SLC22A25: variants seen among roughly 807,000 people sequenced by gnomAD.
SLC22A25 encodes the protein solute carrier family 22 member 25, also known as MGI:2442751, MGI:2385316, MGI:3042283, MGI:3645714, MGI:3605624, MGI:2442750.
SLC22A25 carries 44 observed loss-of-function variants against 45.9 expected under a neutral mutation model. The observed-to-expected ratio is 0.96, with a 90% confidence interval of 0.75 to 1.23. SLC22A25 has a LOEUF of 1.23. SLC22A25 is among the 50% of genes most tolerant of loss of function. The probability of loss-of-function intolerance (pLI) is 0.00; values close to 1 mark genes in which losing one functional copy is unlikely to be tolerated. For missense variants in SLC22A25, 800 were observed against 666.4 expected (o/e 1.20, Z -2.21); for synonymous variants, 283 against 238.6 (o/e 1.19, Z -1.72).
rs150532414 is a variant in SLC22A25 at position 63,233,089 on chromosome 11, A to C, written c.-444-2993T>G. ...ATGTTCATCAAGGATATTGGTCTAA[A>C]ATTCTCTTTTTCTGTTGTGTCTCTG... On this transcript the variant is annotated intron_variant, in intron 3 of 11. Transcript: ENST00000306494. Among the ~76,000 whole-genome samples, 356 of 152,216 alleles carry C rather than the reference A, an allele frequency of 2.3e-3. 1 individual carries two copies. In the East Asian group the frequency reaches 0.024, roughly 10 times the overall value.
At chr11:63,193,419 C>T (rs987021630) in intron 7 of SLC22A25, among the ~76,000 whole-genome samples, 7 of 152,180 alleles carry the variant, frequency 4.6e-5, no homozygotes, top group Non-Finnish European at 1.0e-4. Flanking sequence ...AACTGGGTGC[C>T]CCCCTGAGAC....
chr11:63,162,509 T>G lies in SLC22A25; in HGVS notation c.*1315A>C, dbSNP rs1386678770. 1.3e-5 allele frequency among the ~76,000 whole-genome samples: 2 copies of G among 152,188 alleles called. No individual in the cohort carries two copies. The highest frequency in any genetic ancestry group is 2.1e-4 in the South Asian group (1 of 4,828). On this transcript the variant is annotated 3_prime_UTR_variant, in exon 12 of 12. Coordinates refer to ENST00000306494, the MANE Select transcript of SLC22A25 (RefSeq NM_199352.6). Reference sequence around the variant, plus strand: ...TATCCAGTTTTGGAACTATTTTTTATGTTCTTATAAAAGTATGCAGCTTGA... The same window carrying G: ...TATCCAGTTTTGGAACTATTTTTTAGGTTCTTATAAAAGTATGCAGCTTGA...
intron 3 of SLC22A25, among the ~76,000 whole-genome samples, chr11:63,231,602 G>T (rs1370191359): frequency 1.3e-5 from 2 of 152,124 alleles, no homozygotes; most frequent in Non-Finnish European, 2.9e-5. Flanking sequence ...TAGGTTGCCT[G>T]TTCACTCTGA....
chr11:63,211,546 G>A (rs986642493), intron 7 of SLC22A25, among the ~76,000 whole-genome samples: 1 of 152,114 alleles, frequency 6.6e-6, no homozygotes, highest in Non-Finnish European at 1.5e-5. Context: ...AATATGCCTG[G>A]ACAAGGCTGC....
chr11:63,225,868 GT>G (rs1418425993), intron 5 of SLC22A25, among the ~76,000 whole-genome samples: 1 of 151,868 alleles, frequency 6.6e-6, no homozygotes, highest in African/African-American at 2.4e-5. Context: ...TAAATAGCCT[GT>G]TTTCAAGCTC....
At chr11:63,242,377 G>A (rs1001695979) in intron 1 of SLC22A25, among the ~76,000 whole-genome samples, 3 of 152,198 alleles carry the variant, frequency 2.0e-5, no homozygotes, top group Non-Finnish European at 4.4e-5. Flanking sequence ...AGGGGCACTC[G>A]ATATTTGCCC....
At chr11:63,168,616 G>C (rs191200422) in intron 9 of SLC22A25, among the ~76,000 whole-genome samples, 1 of 152,076 alleles carries the variant, frequency 6.6e-6, no homozygotes, top group Non-Finnish European at 1.5e-5. Context: ...AAAGACTAGA[G>C]AAAAAAGAAT....
intron 7 of SLC22A25, among the ~76,000 whole-genome samples, chr11:63,184,520 G>T (rs1156251950): frequency 1.3e-5 from 2 of 152,094 alleles, no homozygotes; most frequent in Non-Finnish European, 2.9e-5. Flanking sequence ...ATACATTAGG[G>T]TTTGTAAAGT....
intron 9 of SLC22A25, among the ~76,000 whole-genome samples, chr11:63,178,301 A>G (rs1313234086): frequency 6.6e-6 from 1 of 152,136 alleles, no homozygotes; most frequent in Non-Finnish European, 1.5e-5. Context: ...TATCTCTTCA[A>G]TATGCTGATT....
chr11:63,177,854 GTATATATATAATATATATAA>G (rs2088156073), intron 9 of SLC22A25, among the ~76,000 whole-genome samples: 1 of 3,708 alleles, frequency 2.7e-4, no homozygotes, highest in Non-Finnish European at 5.8e-4. Context: ...TATATATAAT[GTATATATATAATATATATAA>G]TGTATATATA....
At position 63,229,505 on chromosome 11, in the gene SLC22A25, A is replaced by AG. The variant is rs780158180; in HGVS notation, c.147dup (p.Trp50LeufsTer8). 4 of 1,614,166 alleles carry AG rather than the reference A, an allele frequency of 2.5e-6. No individual in the cohort carries two copies. The highest frequency in any genetic ancestry group is 2.5e-6 in the Non-Finnish European group (3 of 1,180,000). ...GTGTCATTGTCCAGTATATGAACCC[A>AG]GCAGCGATGATCAAGTATGAATGCT... On this transcript the variant is annotated frameshift_variant, in exon 4 of 12. Coordinates refer to ENST00000306494, the MANE Select transcript of SLC22A25 (RefSeq NM_199352.6). LOFTEE classifies it high-confidence loss of function.
chr11:63,228,640 C>A, intron 4 of SLC22A25, 76 bp from the exon 5 acceptor site: 1 of 1,080,600 alleles, frequency 9.3e-7, no homozygotes, highest in South Asian at 1.5e-5. Flanking sequence ...TTAAAATAGC[C>A]TGCAAGTTTC....
chr11:63,191,555 G>T (rs915510286), intron 7 of SLC22A25, among the ~76,000 whole-genome samples: 1 of 152,016 alleles, frequency 6.6e-6, no homozygotes, highest in Non-Finnish European at 1.5e-5. Context: ...CCACTGTCCT[G>T]CACCCACTGT....
intron 7 of SLC22A25, among the ~76,000 whole-genome samples, chr11:63,200,454 T>A (rs1224911205): frequency 2.0e-5 from 3 of 149,446 alleles, no homozygotes. Flanking sequence ...AAATTCAACA[T>A]CCATTAATAT....
rs111759331 is a variant in SLC22A25, at chr11:63,164,304, G to A, written c.1394+222C>T. ...TATTTTCCTTAACATCAACCTTTCA[G>A]GTGGTTCAGAAGGTACATGGGATAC... On this transcript the variant is annotated intron_variant, in intron 11 of 11. Coordinates refer to ENST00000306494, the MANE Select transcript of SLC22A25 (RefSeq NM_199352.6). Among the ~76,000 whole-genome samples, 1,101 of 152,234 alleles carry A rather than the reference G, an allele frequency of 7.2e-3. 8 individuals are homozygous for A. The highest frequency in any genetic ancestry group is 0.024 in the African/African-American group (1,010 of 41,540).
intron 5 of SLC22A25, among the ~76,000 whole-genome samples, chr11:63,222,589 T>C (rs11524903): frequency 0.37 from 55,663 of 151,880 alleles, 10,504 homozygotes; most frequent in East Asian, 0.56. Context: ...TGACTTCTTC[T>C]TTTCCAGTTG....
intron 5 of SLC22A25, among the ~76,000 whole-genome samples, chr11:63,223,549 G>A (rs1463419670): frequency 1.3e-5 from 2 of 151,546 alleles, no homozygotes; most frequent in Non-Finnish European, 3.0e-5. Context: ...TGCCAATTTT[G>A]TTTATCTTTC....
rs1484968034 is a variant in SLC22A25 at position 63,216,228 on chromosome 11, GC to G, written c.830+1085del. 2.6e-5 allele frequency among the ~76,000 whole-genome samples: 4 copies of G among 152,276 alleles called. No homozygotes were observed. The East Asian group carries it at 7.7e-4, about 29-fold the overall frequency. ...AATAACAAGTCAAAAAGTAACAGAT[GC>G]TGGCTAGGTTGCGGAGAAAAAGGAA... On this transcript the variant is annotated intron_variant, in intron 7 of 11. Coordinates refer to ENST00000306494, the MANE Select transcript of SLC22A25 (RefSeq NM_199352.6).
chr11:63,177,451 A>C (rs1011347169), intron 9 of SLC22A25, among the ~76,000 whole-genome samples: 1 of 151,958 alleles, frequency 6.6e-6, no homozygotes, highest in African/African-American at 2.4e-5. Flanking sequence ...TGTTAACTAA[A>C]GTCACCTATA....
Sources: allele counts gnomAD v4.1 joint callset (sites outside exome capture counted in the v4.1 genomes callset), GRCh38; gene constraint gnomAD v4.1.1; transcripts MANE v1.5; gene names NCBI Gene and HGNC (gene_info 2026-07-23, HGNC 2026-07-21).